The following CAST variants were observed in gnomAD, a reference collection of about 807,000 sequenced individuals.
CAST encodes the protein calpastatin.
In CAST, 76 loss-of-function variants were observed where a neutral mutation model predicts 119.6. The ratio of observed to expected loss-of-function variants is 0.64; its 90% CI spans 0.53 to 0.77. CAST has a LOEUF of 0.77. CAST is among the 30% of genes least tolerant of loss of function. CAST has a pLI of 0.00. For synonymous variants in CAST, 319 were observed against 331.6 expected (o/e 0.96, Z 0.41); for missense variants, 953 against 946.5 (o/e 1.01, Z -0.09).
intron 2 of CAST, among the ~76,000 whole-genome samples, chr5:96,676,404 C>G (rs983542984): frequency 2.0e-5 from 3 of 152,228 alleles, no homozygotes; most frequent in Non-Finnish European, 2.9e-5. Context: ...CAACATTAAT[C>G]AGGTGTTTTT....
At chr5:96,326,557 A>G in the CAST span, among the ~76,000 whole-genome samples, 4 of 151,582 alleles carry the variant, frequency 2.6e-5, no homozygotes, top group Middle Eastern at 6.8e-3. Flanking sequence ...ACTGTTGATC[A>G]TTCTCTTCAC....
chr5:96,171,158 G>A, the CAST span, among the ~76,000 whole-genome samples: 1 of 152,140 alleles, frequency 6.6e-6, no homozygotes, highest in East Asian at 1.9e-4. Context: ...ACCTTAGCCC[G>A]TTTGCCTATT....
rs1173646668 is a variant in CAST, at chr5:96,740,734, AT to A, written c.880-8del. 8.8e-6 allele frequency: 14 copies of A among 1,591,160 alleles called. No individual in the cohort carries two copies. The highest frequency in any genetic ancestry group is 1.7e-5 in the Admixed American group (1 of 59,894). ...ACCTTCTCAACATCATCAAATTAAT[AT>A]TTGTTTCAGAAAAAGGAAGGGATCA... is the stretch of plus-strand genomic sequence containing the variant. On this transcript the variant is annotated splice_polypyrimidine_tract_variant and intron_variant, in intron 12 of 31. Transcript: ENST00000675179.
chr5:96,094,476 A>G, the CAST span, among the ~76,000 whole-genome samples: 1 of 151,212 alleles, frequency 6.6e-6, no homozygotes, highest in East Asian at 1.9e-4. Context: ...CATTACTGCC[A>G]TATCTCCTTC....
At chr5:96,554,902 A>C (rs1393877313) in intron 1 of CAST, among the ~76,000 whole-genome samples, 2 of 152,218 alleles carry the variant, frequency 1.3e-5, no homozygotes, top group African/African-American at 2.4e-5. Flanking sequence ...GTCAGGAAAC[A>C]ACAGATACTG....
At chr5:96,225,761 A>G in the CAST span, among the ~76,000 whole-genome samples, 1 of 152,220 alleles carries the variant, frequency 6.6e-6, no homozygotes, top group South Asian at 2.1e-4. Context: ...TCAAAGATAG[A>G]CACATAATTG....
the CAST span, among the ~76,000 whole-genome samples, chr5:96,378,264 T>C: frequency 1.3e-5 from 2 of 152,122 alleles, no homozygotes; most frequent in African/African-American, 4.8e-5. Context: ...GTGTGGTGAC[T>C]ACAGTTAACA....
chr5:96,018,466 T>C, the CAST span, among the ~76,000 whole-genome samples: 1 of 152,122 alleles, frequency 6.6e-6, no homozygotes, highest in East Asian at 1.9e-4. Context: ...CTAAAAGGGG[T>C]TCCATTTATT....
Position 96,730,971 on chromosome 5 carries a change from T to C in CAST, c.630+111T>C, listed in dbSNP as rs1760355681. 3 of 766,628 alleles carry C rather than the reference T, an allele frequency of 3.9e-6. No homozygotes were observed. The African/African-American group carries it at 5.2e-5, about 13-fold the overall frequency. The allele number at this position is 766,628 out of a possible 1,614,324, so 47.5% of individuals were successfully genotyped here. On this transcript the variant is annotated intron_variant, in intron 9 of 31. Coordinates refer to ENST00000675179, the MANE Select transcript of CAST (RefSeq NM_001750.7). ...ATCTGGCAAAACTGAACACTGCTTA[T>C]ATGTAAAATTTTGTGAAGAGCATGC...
At chr5:96,703,114 C>A (rs75565343) in intron 3 of CAST, among the ~76,000 whole-genome samples, 9,100 of 152,180 alleles carry the variant, frequency 0.06, 578 homozygotes, top group East Asian at 0.2. Flanking sequence ...CTTGGCGACT[C>A]CTCCTCCTTG....
the CAST span, among the ~76,000 whole-genome samples, chr5:96,300,653 G>C: frequency 6.6e-6 from 1 of 151,798 alleles, no homozygotes; most frequent in Non-Finnish European, 1.5e-5. Context: ...AATTTTTACA[G>C]AAATTACATT....
the CAST span, among the ~76,000 whole-genome samples, chr5:96,472,149 TA>T: frequency 6.6e-6 from 1 of 152,142 alleles, no homozygotes; most frequent in Admixed American, 6.6e-5. Flanking sequence ...GCTTTTTCAA[TA>T]TCAAAAGTAG....
At chr5:96,424,558 G>A in the CAST span, among the ~76,000 whole-genome samples, 3 of 152,150 alleles carry the variant, frequency 2.0e-5, no homozygotes, top group African/African-American at 7.2e-5. Flanking sequence ...ACAATCATGA[G>A]AACAAAATGA....
the CAST span, among the ~76,000 whole-genome samples, chr5:95,986,549 T>G: frequency 3.3e-5 from 5 of 152,182 alleles, no homozygotes; most frequent in Non-Finnish European, 7.3e-5. Flanking sequence ...CATATGGATA[T>G]GGTATAAATT....
the CAST span, among the ~76,000 whole-genome samples, chr5:96,061,389 G>A: frequency 6.6e-6 from 1 of 152,048 alleles, no homozygotes; most frequent in East Asian, 1.9e-4. Context: ...AAATAAAAGT[G>A]GTACGTTCAC....
upstream of CAST, among the ~76,000 whole-genome samples, chr5:96,660,092 C>G (rs1187781495): frequency 3.9e-5 from 6 of 152,164 alleles, no homozygotes; most frequent in Non-Finnish European, 1.5e-5. Context: ...GTAGCTGCTC[C>G]ACAAACAATG....
chr5:96,170,676 C>T, the CAST span, among the ~76,000 whole-genome samples: 1 of 152,034 alleles, frequency 6.6e-6, no homozygotes, highest in Admixed American at 6.6e-5. Flanking sequence ...AGGGTTGCTG[C>T]CAAACGAACC....
chr5:96,531,061 G>C (rs1745681049), intron 1 of CAST, among the ~76,000 whole-genome samples: 1 of 152,094 alleles, frequency 6.6e-6, no homozygotes, highest in Non-Finnish European at 1.5e-5. Flanking sequence ...CCAAAGTACT[G>C]GGATTACAGG....
chr5:96,665,612 A>G (rs1156775189), intron 1 of CAST, among the ~76,000 whole-genome samples: 2 of 152,150 alleles, frequency 1.3e-5, no homozygotes, highest in Non-Finnish European at 2.9e-5. Flanking sequence ...CTTTCCCACA[A>G]CAAAATACAT....
Sources: gnomAD v4.1 joint callset for allele counts (sites outside exome capture counted in the v4.1 genomes callset) on GRCh38, gnomAD v4.1.1 for gene constraint, MANE v1.5 for transcripts, NCBI Gene and HGNC (gene_info 2026-07-23, HGNC 2026-07-21) for gene names.